The following MEPE variants were observed in gnomAD, a reference collection of about 807,000 sequenced individuals.
The protein encoded by MEPE is matrix, extracellular phosphoglycoprotein with ASARM motif (bone).
A neutral mutation model predicts 7.3 loss-of-function variants in MEPE; 7 were observed. The observed-to-expected ratio is 0.95, with a 90% CI of 0.54 to 1.79. MEPE has a LOEUF of 1.79. MEPE is among the 40% of genes most tolerant of loss of function. The pLI is 0.00. For synonymous variants in MEPE, 214 were observed against 213.1 expected, an observed-to-expected ratio of 1.00 and a Z score of -0.04; for missense variants, 623 against 628.2, an observed-to-expected ratio of 0.99 and a Z score of 0.09.
chr4:87,828,072 C>G (rs1185349369), upstream of MEPE, among the ~76,000 whole-genome samples: 1 of 152,126 alleles, frequency 6.6e-6, no homozygotes, highest in Admixed American at 6.6e-5. Context: ...AAAAACAGGG[C>G]AAGACTCCCA....
Position 87,844,967 on chromosome 4 carries a change from T to C in MEPE, c.109-10T>C. 1 of 1,519,224 alleles carries C rather than the reference T, an allele frequency of 6.6e-7. No individual in the cohort carries two copies. Among genetic ancestry groups the C allele is most frequent in the Non-Finnish European group, 8.8e-7 (1 of 1,136,186 alleles). The allele number at this position is 1,519,224 out of a possible 1,614,324, so 94.1% of individuals were successfully genotyped here. A position where few individuals can be genotyped will look rare whatever the true frequency, so the allele number is the denominator to read the frequency against. On this transcript the variant is annotated splice_polypyrimidine_tract_variant and intron_variant, in intron 3 of 3. Coordinates refer to ENST00000361056, the MANE Select transcript of MEPE (RefSeq NM_020203.6). ...AAAATAATCACTTCATATTGAAAAT[T>C]GTATTTTAGCAGGAAGAAAAAAACA...
intron 2 of MEPE, among the ~76,000 whole-genome samples, chr4:87,837,375 C>T (rs1052258456): frequency 1.3e-5 from 2 of 152,166 alleles, no homozygotes; most frequent in Non-Finnish European, 2.9e-5. Flanking sequence ...CATGCCAGGC[C>T]TCCTTCACCC....
chr4:87,822,090 A>G (rs1179276144), intron 1 of MEPE, among the ~76,000 whole-genome samples: 3 of 152,296 alleles, frequency 2.0e-5, no homozygotes, highest in South Asian at 2.1e-4. Flanking sequence ...GCTTTAAAAA[A>G]AAATGTCTCA....
chr4:87,831,599 C>G (rs1722600936), upstream of MEPE, among the ~76,000 whole-genome samples: 1 of 152,154 alleles, frequency 6.6e-6, no homozygotes, highest in Non-Finnish European at 1.5e-5. Flanking sequence ...TTCTCTCTGC[C>G]TTTTTCCTAC....
At chr4:87,838,359 C>T (rs1425312412) in intron 2 of MEPE, among the ~76,000 whole-genome samples, 2 of 152,192 alleles carry the variant, frequency 1.3e-5, no homozygotes, top group Non-Finnish European at 2.9e-5. Context: ...TCCCCCACCA[C>T]ACCCACTTAG....
chr4:87,845,360 G>A lies in MEPE; in HGVS notation c.492G>A (p.Leu164=), dbSNP rs1286015820. The A allele has an allele frequency of 6.2e-7, 1 of 1,613,822 alleles. No individual in the cohort carries two copies. Among genetic ancestry groups the A allele is most frequent in the Non-Finnish European group, 8.5e-7 (1 of 1,179,942 alleles). Residue 164 remains leucine (L), a synonymous_variant, in exon 4 of 4, where the codon CTG becomes CTA. Coordinates refer to ENST00000361056, the MANE Select transcript of MEPE (RefSeq NM_020203.6). ...GGCCAGTGACTGCGATTAAACTCCT[G>A]GGGGAAGAAAACAAAGAGAACACAC... is the stretch of plus-strand genomic sequence containing the variant. ...IMGPVTAIKL[L]GEENKENTPR...
chr4:87,845,155 TGAATAAA>T lies in MEPE; in HGVS notation c.293_299del (p.Lys98IlefsTer13), dbSNP rs768133317. 5.0e-6 allele frequency: 8 copies of T among 1,613,450 alleles called. No homozygotes were observed. Among genetic ancestry groups the T allele is most frequent in the Non-Finnish European group, 6.8e-6 (8 of 1,179,820 alleles). On this transcript the variant is annotated frameshift_variant, in exon 4 of 4. Coordinates refer to ENST00000361056, the MANE Select transcript of MEPE (RefSeq NM_020203.6). LOFTEE classifies it low-confidence loss of function (END_TRUNC). The stretch of plus-strand genomic sequence containing the variant: ...AATTATTTCACAAATAGACAGAGAC[TGAATAAA>T]GAATATAGTATCAGTAACAAAGAGA...
chr4:87,823,704 G>A (rs968078218), intron 1 of MEPE, among the ~76,000 whole-genome samples: 3 of 152,186 alleles, frequency 2.0e-5, no homozygotes, highest in Admixed American at 1.3e-4. Context: ...CTCTTTGAAT[G>A]ATGAGGAGAA....
upstream of MEPE, among the ~76,000 whole-genome samples, chr4:87,828,273 T>C (rs1437397505): frequency 1.3e-5 from 2 of 152,198 alleles, no homozygotes; most frequent in African/African-American, 4.8e-5. Flanking sequence ...TGTATATTTG[T>C]AATGTATGTA....
intron 1 of MEPE, 147 bp from the exon 2 acceptor site, chr4:87,834,556 T>A: frequency 3.8e-6 from 2 of 523,452 alleles, no homozygotes; most frequent in Non-Finnish European, 6.7e-6. Flanking sequence ...AAGCAAGTTA[T>A]ACATAGTCTA....
In MEPE at chr4:87,845,292, T is replaced by C; in HGVS notation, c.424T>C (p.Tyr142His). ...AISKLHDQEE[Y>H]GAALIRNNMQ... ...CAGCAAACTACATGACCAAGAAGAATATGGCGCAGCTCTCATCAGAAATAA... is the reference window on the plus strand; with the variant it reads ...CAGCAAACTACATGACCAAGAAGAACATGGCGCAGCTCTCATCAGAAATAA... Residue 142 changes from tyrosine (Y) to histidine (H), a missense_variant, in exon 4 of 4, where the codon TAT (tyrosine) becomes CAT (histidine). Transcript: ENST00000361056. The C allele has an allele frequency of 6.2e-7, 1 of 1,613,964 alleles. No homozygotes were observed. The highest frequency in any genetic ancestry group is 8.5e-7 in the Non-Finnish European group (1 of 1,179,956).
Position 87,826,253 on chromosome 4 carries a change from G to A in MEPE, c.-13+4782G>A, listed in dbSNP as rs375140280. Among the ~76,000 whole-genome samples, 164 of 148,574 alleles carry A rather than the reference G, an allele frequency of 1.1e-3. 1 individual carries two copies. Among genetic ancestry groups the A allele is most frequent in the African/African-American group, 3.6e-3 (144 of 40,282 alleles). Reference sequence around the variant, plus strand: ...TTTTTTTTTTGAGACAGAGTCTTACGCTGTCATCAGGCAGGGGTGCAGTGC... The same window carrying A: ...TTTTTTTTTTGAGACAGAGTCTTACACTGTCATCAGGCAGGGGTGCAGTGC... On this transcript the variant is annotated intron_variant, in intron 1 of 3. Transcript: ENST00000424957.
rs957914120 is a variant in MEPE, at chr4:87,827,052, G to A, written c.-13+5581G>A. On this transcript the variant is annotated intron_variant, in intron 1 of 3. Transcript: ENST00000424957. ...ATTTTAAATCCTGAGCTACCATATA[G>A]GAAGTCCAGCCTATTCTGCAGGACA... Among the ~76,000 whole-genome samples the A allele has an allele frequency of 2.0e-5, 3 of 152,136 alleles. No individual in the cohort carries two copies. The East Asian group carries it at 5.8e-4, about 29-fold the overall frequency.
intron 3 of MEPE, chr4:87,839,829 GC>G: frequency 6.5e-7 from 1 of 1,541,794 alleles, no homozygotes; most frequent in Non-Finnish European, 8.8e-7. Flanking sequence ...CTCTGGACTA[GC>G]CCTAGAGGAA....
At chr4:87,834,614 T>C (rs75042457) in intron 1 of MEPE, 89 bp from the exon 2 acceptor site, 47,282 of 977,230 alleles carry the variant, frequency 0.048, 1,364 homozygotes, top group African/African-American at 0.098. Context: ...GGAAGGGTGT[T>C]TATATATTCC....
At chr4:87,823,356 T>C (rs1722388845) in intron 1 of MEPE, among the ~76,000 whole-genome samples, 1 of 152,176 alleles carries the variant, frequency 6.6e-6, no homozygotes, top group African/African-American at 2.4e-5. Context: ...TCAATCAATA[T>C]CCTCTGCAGC....
chr4:87,837,558 A>G (rs935888257), intron 2 of MEPE: 2 of 152,370 alleles, frequency 1.3e-5, no homozygotes, highest in Non-Finnish European at 1.5e-5. Context: ...TTCTTCAGGA[A>G]GAACACTTTC....
At chr4:87,842,837 T>G (rs1426014960) in intron 3 of MEPE, among the ~76,000 whole-genome samples, 1 of 152,124 alleles carries the variant, frequency 6.6e-6, no homozygotes, top group Non-Finnish European at 1.5e-5. Flanking sequence ...TAATAAACAA[T>G]TAGCATGTAA....
chr4:87,832,465 T>C (rs1722624479), upstream of MEPE, among the ~76,000 whole-genome samples: 1 of 152,162 alleles, frequency 6.6e-6, no homozygotes, highest in African/African-American at 2.4e-5. Context: ...CTCATTTATC[T>C]TGTTTATTAT....
Sources: gnomAD v4.1 joint callset for allele counts (sites outside exome capture counted in the v4.1 genomes callset) on GRCh38, gnomAD v4.1.1 for gene constraint, MANE v1.5 for transcripts, NCBI Gene and HGNC (gene_info 2026-07-23, HGNC 2026-07-21) for gene names.